IGHMBP2: variants seen among roughly 807,000 people sequenced by gnomAD.
IGHMBP2 encodes the protein DNA-binding protein SMUBP-2.
A neutral mutation model predicts 96.0 loss-of-function variants in IGHMBP2; 81 were observed. The observed-to-expected ratio is 0.84, with a 90% CI of 0.71 to 1.01. The LOEUF is 1.01. IGHMBP2 is among the 50% of genes least tolerant of loss of function. The probability of loss-of-function intolerance (pLI) is 0.00; values close to 1 mark genes in which losing one functional copy is unlikely to be tolerated. For missense variants in IGHMBP2, 1,227 were observed against 1,306.3 expected, an observed-to-expected ratio of 0.94 and a Z score of 0.94; for synonymous variants, 557 against 548.9, an observed-to-expected ratio of 1.01 and a Z score of -0.21.
Position 68,911,601 on chromosome 11 carries a change from A to G in IGHMBP2, c.709A>G (p.Lys237Glu). Residue 237 changes from lysine to glutamate, a missense_variant and splice_region_variant, in exon 5 of 15, where the codon AAG becomes GAG. By Grantham distance (56) the Lys-to-Glu change is moderately conservative. Coordinates refer to ENST00000255078, the MANE Select transcript of IGHMBP2 (RefSeq NM_002180.3). ...TCTTCAAGCTGTGAAACAAGGCTTA[A>G]AGGTGGGCAGTGCATGCCACTTCCC... Reference protein sequence around the residue: ...IILQAVKQGLKVLCCAPSNIA... With the variant: ...IILQAVKQGLEVLCCAPSNIA... 2 of 1,614,160 alleles carry G rather than the reference A, an allele frequency of 1.2e-6. No individual in the cohort carries two copies. Among genetic ancestry groups the G allele is most frequent in the Non-Finnish European group, 1.7e-6 (2 of 1,180,038 alleles).
In IGHMBP2 at chr11:68,940,174, AGG is replaced by A. The variant is rs1859701278; in HGVS notation, c.*445_*446del. 1 of 185,258 alleles carries A rather than the reference AGG, an allele frequency of 5.4e-6. No individual in the cohort carries two copies. Among genetic ancestry groups the A allele is most frequent in the Non-Finnish European group, 1.1e-5 (1 of 87,866 alleles). 11.5% of individuals were successfully genotyped at this position (185,258 alleles called of 1,614,324 possible). On this transcript the variant is annotated 3_prime_UTR_variant, in exon 15 of 15. Coordinates refer to ENST00000255078, the MANE Select transcript of IGHMBP2 (RefSeq NM_002180.3). ...TGCGAATGGCGCTCAGGCAGGGAGC[AGG>A]GAGTGGCGTTTGGCTTGCACGTTCC...
intron 10 of IGHMBP2, 51 bp from the exon 11 acceptor site, chr11:68,934,413 G>C (rs1288537190): frequency 7.6e-7 from 1 of 1,311,244 alleles, no homozygotes; most frequent in South Asian, 1.2e-5. Flanking sequence ...GGTGGTGGAT[G>C]CCCACTTGGG....
intron 14 of IGHMBP2, among the ~76,000 whole-genome samples, chr11:68,938,633 GC>G (rs1414221539): frequency 1.3e-5 from 2 of 152,180 alleles, no homozygotes; most frequent in Non-Finnish European, 1.5e-5. Context: ...TCTGTCAGTG[GC>G]CTAATCTGGT....
intron 4 of IGHMBP2, among the ~76,000 whole-genome samples, chr11:68,909,185 T>TG (rs1209375484): frequency 0.011 from 123 of 11,060 alleles, 1 homozygote; most frequent in Non-Finnish European, 0.017. Flanking sequence ...GCGGGGGGGG[T>TG]GGAGGGGGGG....
chr11:68,929,467 G>A (rs1234767157), intron 8 of IGHMBP2, 110 bp downstream of exon 8: 1 of 1,031,628 alleles, frequency 9.7e-7, no homozygotes, highest in African/African-American at 1.6e-5. Flanking sequence ...TGCCTCCTCG[G>A]TTTCTCGGCA....
intron 2 of IGHMBP2, among the ~76,000 whole-genome samples, chr11:68,907,739 T>C (rs1858257394): frequency 6.6e-6 from 1 of 152,056 alleles, no homozygotes; most frequent in African/African-American, 2.4e-5. Context: ...TTTTTTTTTC[T>C]GAGATGGAGT....
rs543994954 is a variant in IGHMBP2 at position 68,929,129 on chromosome 11, G to A, written c.1061-54G>A. The stretch of plus-strand genomic sequence containing the variant: ...ATGGTGTCTCCTCTGGTGTGGCTGC[G>A]CTGTTGGGAAGCAGCTGTGCCCCTG... On this transcript the variant is annotated intron_variant, in intron 7 of 14. Coordinates refer to ENST00000255078, the MANE Select transcript of IGHMBP2 (RefSeq NM_002180.3). 163 of 1,536,812 alleles carry A rather than the reference G, an allele frequency of 1.1e-4. 1 individual carries two copies. Among genetic ancestry groups the A allele is most frequent in the South Asian group, 1.2e-4 (11 of 89,718 alleles).
chr11:68,934,998 T>A (rs1473584966), intron 11 of IGHMBP2, among the ~76,000 whole-genome samples: 1 of 152,220 alleles, frequency 6.6e-6, no homozygotes, highest in Non-Finnish European at 1.5e-5. Context: ...ATCGGGAGGA[T>A]CTGTGGAAGT....
intron 12 of IGHMBP2, among the ~76,000 whole-genome samples, 173 bp from the exon 13 acceptor site, chr11:68,936,064 G>A (rs976389228): frequency 6.6e-6 from 1 of 152,254 alleles, no homozygotes; most frequent in African/African-American, 2.4e-5. Context: ...GTGGCAGCCA[G>A]ATGCCAGGGC....
chr11:68,914,391 C>T (rs926192617), intron 5 of IGHMBP2, among the ~76,000 whole-genome samples: 4 of 152,186 alleles, frequency 2.6e-5, no homozygotes, highest in South Asian at 2.1e-4. Context: ...TTGTCCCCCT[C>T]GCAGGGCGTG....
chr11:68,911,899 G>A (rs779185644), intron 5 of IGHMBP2, among the ~76,000 whole-genome samples: 4 of 152,214 alleles, frequency 2.6e-5, no homozygotes, highest in African/African-American at 9.6e-5. Context: ...TGTTCACCAC[G>A]CTTGCTGTGC....
chr11:68,925,072 T>A (rs1859013579), intron 7 of IGHMBP2, among the ~76,000 whole-genome samples: 1 of 151,608 alleles, frequency 6.6e-6, no homozygotes, highest in Non-Finnish European at 1.5e-5. Flanking sequence ...AGATTGCACA[T>A]CCCTGCCTTA....
rs1210060084 is a variant in IGHMBP2 at position 68,917,731 on chromosome 11, T to C, written c.913-5T>C. ...TAAGTGTATCTCCTTTGTTTTTCTT[T>C]ATAGGTGAAAAACAAAAAGACCCAG... is the stretch of plus-strand genomic sequence containing the variant. On this transcript the variant is annotated splice_region_variant and splice_polypyrimidine_tract_variant and intron_variant, in intron 6 of 14. Coordinates refer to ENST00000255078, the MANE Select transcript of IGHMBP2 (RefSeq NM_002180.3). The C allele has an allele frequency of 1.2e-6, 2 of 1,608,382 alleles. No individual in the cohort carries two copies. Among genetic ancestry groups the C allele is most frequent in the South Asian group, 1.1e-5 (1 of 90,910 alleles).
At position 68,938,315 on chromosome 11, in the gene IGHMBP2, C is replaced by T; in HGVS notation, c.2745C>T (p.Leu915=). The T allele has an allele frequency of 1.9e-6, 3 of 1,610,854 alleles. No individual in the cohort carries two copies. The highest frequency in any genetic ancestry group is 2.5e-6 in the Non-Finnish European group (3 of 1,179,444). The part of the protein sequence containing the change: ...GVTTLGQFCQ[L]CSRRYCLSHH... ...CAACCCTGGGCCAGTTCTGCCAGCT[C>T]TGCAGCCGCCGCTACTGCCTCAGCC... is the stretch of plus-strand genomic sequence containing the variant. Residue 915 remains leucine (L), a synonymous_variant, in exon 14 of 15, where the codon CTC becomes CTT. Coordinates refer to ENST00000255078, the MANE Select transcript of IGHMBP2 (RefSeq NM_002180.3).
chr11:68,927,571 G>A (rs1209870160), intron 7 of IGHMBP2, among the ~76,000 whole-genome samples: 7 of 152,266 alleles, frequency 4.6e-5, no homozygotes, highest in African/African-American at 1.7e-4. Context: ...GGAATATGTT[G>A]GAGCTTTTCA....
Position 68,934,445 on chromosome 11 carries a change from GTTCT to G in IGHMBP2, c.1538-11_1538-8del, listed in dbSNP as rs1566444289. 2.2e-5 allele frequency: 35 copies of G among 1,584,302 alleles called. No individual in the cohort carries two copies. The highest frequency in any genetic ancestry group is 3.0e-5 in the Non-Finnish European group (35 of 1,160,530). On this transcript the variant is annotated splice_polypyrimidine_tract_variant and intron_variant, in intron 10 of 14. Coordinates refer to ENST00000255078, the MANE Select transcript of IGHMBP2 (RefSeq NM_002180.3). ...TGGGGCGACCTTGTGCTGCTCACCC[GTTCT>G]TTCTTTCCCTCCAGGCGAAGTCCGC...
Position 68,936,810 on chromosome 11 carries a change from G to T in IGHMBP2, c.2330G>T (p.Arg777Met). The T allele has an allele frequency of 1.2e-6, 2 of 1,613,972 alleles. No homozygotes were observed. Among genetic ancestry groups the T allele is most frequent in the Admixed American group, 3.3e-5 (2 of 60,034 alleles). ...CACGACAGTTCCGGGGAAGGGAAGAGGAGGTTCATCACTGTGAGCAAGAGG... is the reference window on the plus strand; with the variant it reads ...CACGACAGTTCCGGGGAAGGGAAGATGAGGTTCATCACTGTGAGCAAGAGG... ...LRHDSSGEGK[R>M]RFITVSKRAP... The change falls in exon 13 of 15, where the codon AGG (arginine) becomes ATG (methionine). Residue 777 changes from arginine (R) to methionine (M), a missense_variant. Arg to Met is a moderately conservative substitution (Grantham distance 91). Transcript: ENST00000255078.
At chr11:68,910,398 G>A (rs1443795047) in intron 4 of IGHMBP2, among the ~76,000 whole-genome samples, 1 of 152,208 alleles carries the variant, frequency 6.6e-6, no homozygotes, top group Admixed American at 6.5e-5. Flanking sequence ...GGGGTTCAAT[G>A]GCCTGTTACT....
At chr11:68,908,490 C>T in intron 3 of IGHMBP2, 44 bp from the exon 4 acceptor site, 1 of 1,515,706 alleles carries the variant, frequency 6.6e-7, no homozygotes. Context: ...GAGGCTCGGG[C>T]ACTGAATTGC....
Sources: allele counts gnomAD v4.1 joint callset (sites outside exome capture counted in the v4.1 genomes callset), GRCh38; gene constraint gnomAD v4.1.1; transcripts MANE v1.5; gene names NCBI Gene and HGNC (gene_info 2026-07-23, HGNC 2026-07-21).